DOCK3: variants seen among roughly 807,000 people sequenced by gnomAD.
The protein encoded by DOCK3 is dedicator of cytokinesis protein 3.
In DOCK3, 60 loss-of-function variants were observed where a neutral mutation model predicts 265.6. The observed-to-expected ratio is 0.23, with a 90% confidence interval of 0.18 to 0.28. The LOEUF is 0.28. DOCK3 is among the 10% of genes least tolerant of loss of function. The pLI is 1.00. For synonymous variants in DOCK3, 881 were observed against 938.0 expected, an observed-to-expected ratio of 0.94 and a Z score of 1.11; for missense variants, 1,981 against 2,594.3, an observed-to-expected ratio of 0.76 and a Z score of 5.14.
At chr3:50,761,954 T>C (rs1000496021) in intron 1 of DOCK3, among the ~76,000 whole-genome samples, 4 of 152,084 alleles carry the variant, frequency 2.6e-5, no homozygotes, top group African/African-American at 7.2e-5. Context: ...ATGTCCTTTG[T>C]AGGGACATGG....
At position 51,354,900 on chromosome 3, in the gene DOCK3, C is replaced by T. The variant is rs780118452; in HGVS notation, c.4126C>T (p.Arg1376Cys). ...GTGGCAGAACAAAGAATACGTGTGC[C>T]GTGGCCATGACTACGAGAGGCTGGA... is the stretch of plus-strand genomic sequence containing the variant. ...FFLRNKEYVC[R>C]GHDYERLEAF... The change falls in exon 41 of 53, where the codon CGT becomes TGT. Residue 1376 changes from arginine (R) to cysteine (C), a missense_variant. Around this residue, in one of 4 missense-constraint regions of DOCK3, gnomAD observed 1,357 missense variants for 1,866.8 expected, o/e 0.73. Transcript: ENST00000266037. The T allele has an allele frequency of 3.7e-6, 6 of 1,613,642 alleles. No individual in the cohort carries two copies. In the Admixed American group the frequency reaches 5.0e-5, roughly 13 times the overall value.
chr3:50,909,407 C>T (rs774551734), intron 4 of DOCK3, among the ~76,000 whole-genome samples: 16 of 152,044 alleles, frequency 1.1e-4, no homozygotes, highest in African/African-American at 3.1e-4. Flanking sequence ...GCAAGGCAGG[C>T]GTGTTGATGA....
chr3:51,274,436 A>G (rs1015582973), intron 24 of DOCK3, among the ~76,000 whole-genome samples: 3 of 152,154 alleles, frequency 2.0e-5, no homozygotes, highest in African/African-American at 7.2e-5. Flanking sequence ...TTTAAATGGA[A>G]TTTTCACTGT....
intron 24 of DOCK3, among the ~76,000 whole-genome samples, chr3:51,274,224 G>A (rs909453985): frequency 1.1e-4 from 16 of 152,204 alleles, no homozygotes; most frequent in African/African-American, 3.6e-4. Flanking sequence ...TGCTTCAATT[G>A]TGTTCATTGC....
intron 6 of DOCK3, among the ~76,000 whole-genome samples, chr3:51,070,266 A>T (rs141148035): frequency 1.3e-5 from 2 of 152,248 alleles, no homozygotes; most frequent in African/African-American, 4.8e-5. Flanking sequence ...ACACAGAATC[A>T]TCTTTCAAAC....
intron 5 of DOCK3, among the ~76,000 whole-genome samples, chr3:51,058,765 A>G (rs948307180): frequency 2.0e-5 from 3 of 152,060 alleles, no homozygotes; most frequent in Non-Finnish European, 2.9e-5. Flanking sequence ...CCTTCTTGCT[A>G]TGGCTTCACA....
intron 40 of DOCK3, among the ~76,000 whole-genome samples, chr3:51,354,003 CAT>C (rs995635553): frequency 6.6e-6 from 1 of 152,206 alleles, no homozygotes; most frequent in Non-Finnish European, 1.5e-5. Context: ...AAAACTGAGA[CAT>C]AACCAAAAGT....
rs150234663 is a variant in DOCK3, at chr3:51,229,320, G to A, written c.1820-192G>A. On this transcript the variant is annotated intron_variant, in intron 18 of 52. Coordinates refer to ENST00000266037, the MANE Select transcript of DOCK3 (RefSeq NM_004947.5). ...ACGAAAATTACCTGGACATGATGGC[G>A]CATGCCTGTAATCCCAGCTACTCAG... 1.4e-3 allele frequency among the ~76,000 whole-genome samples: 217 copies of A among 152,174 alleles called. 2 individuals are homozygous for A. The highest frequency in any genetic ancestry group is 4.9e-3 in the African/African-American group (202 of 41,536).
At chr3:50,982,646 G>A (rs1218691285) in intron 5 of DOCK3, among the ~76,000 whole-genome samples, 1 of 152,206 alleles carries the variant, frequency 6.6e-6, no homozygotes, top group East Asian at 1.9e-4. Context: ...CTGGGCCTGG[G>A]CAGTGCTAGG....
intron 9 of DOCK3, among the ~76,000 whole-genome samples, chr3:51,096,989 A>G (rs2082883643): frequency 6.6e-6 from 1 of 152,208 alleles, no homozygotes; most frequent in Admixed American, 6.5e-5. Context: ...GCTTCGTCCC[A>G]GAGGGGCACC....
chr3:51,248,530 T>A (rs1448729692), intron 22 of DOCK3, among the ~76,000 whole-genome samples: 1 of 152,152 alleles, frequency 6.6e-6, no homozygotes, highest in Non-Finnish European at 1.5e-5. Context: ...AGTGGCGTGA[T>A]CTCGGCTCGC....
At chr3:50,900,589 G>A (rs779290090) in intron 4 of DOCK3, 5 of 376,156 alleles carry the variant, frequency 1.3e-5, no homozygotes, top group Admixed American at 3.4e-5. Flanking sequence ...TTTTTATGCT[G>A]GTTTTTCCTC....
chr3:50,744,436 A>ATTTTT (rs36071655), intron 1 of DOCK3, among the ~76,000 whole-genome samples: 1 of 131,790 alleles, frequency 7.6e-6, no homozygotes. Context: ...TCTTCAGTTA[A>ATTTTT]TTTTTTTTTT....
chr3:51,115,126 G>A (rs1300228792), intron 9 of DOCK3, among the ~76,000 whole-genome samples: 1 of 152,114 alleles, frequency 6.6e-6, no homozygotes, highest in African/African-American at 2.4e-5. Flanking sequence ...TGTCTTTATA[G>A]TAGAATGATT....
At chr3:50,800,305 G>A (rs2043006025) in intron 2 of DOCK3, among the ~76,000 whole-genome samples, 1 of 152,204 alleles carries the variant, frequency 6.6e-6, no homozygotes, top group Non-Finnish European at 1.5e-5. Flanking sequence ...ATTCTTTGGT[G>A]AAGCCATTAT....
chr3:50,815,654 G>T (rs1192887814), intron 2 of DOCK3, among the ~76,000 whole-genome samples: 2 of 151,984 alleles, frequency 1.3e-5, no homozygotes, highest in Admixed American at 6.6e-5. Context: ...TGCCTGAAAA[G>T]ATCTTTAGTT....
In DOCK3 at chr3:51,163,630, A is replaced by AG. The variant is rs1280858628; in HGVS notation, c.1037+2933dup. Among the ~76,000 whole-genome samples the AG allele has an allele frequency of 2.6e-5, 4 of 151,766 alleles. No homozygotes were observed. In the East Asian group the frequency reaches 5.9e-4, roughly 22 times the overall value. On this transcript the variant is annotated intron_variant, in intron 12 of 52. Coordinates refer to ENST00000266037, the MANE Select transcript of DOCK3 (RefSeq NM_004947.5). ...TGCCAGGAGCTAAAGCCAACATTGG[A>AG]GGGGGTGGGTGTCCATAAATAATGC... is the stretch of plus-strand genomic sequence containing the variant.
chr3:50,934,435 G>T (rs991174882), intron 5 of DOCK3, among the ~76,000 whole-genome samples: 2 of 152,134 alleles, frequency 1.3e-5, no homozygotes, highest in African/African-American at 4.8e-5. Flanking sequence ...CCAGTGGTGG[G>T]TATAAAGGCC....
chr3:50,811,358 T>C (rs537592128), intron 2 of DOCK3, among the ~76,000 whole-genome samples: 142 of 152,106 alleles, frequency 9.3e-4, no homozygotes, highest in African/African-American at 3.3e-3. Flanking sequence ...GAGCTATGAT[T>C]GTACCACTGC....
Sources: allele counts gnomAD v4.1 joint callset (sites outside exome capture counted in the v4.1 genomes callset), GRCh38; gene constraint gnomAD v4.1.1; regional missense constraint gnomAD v4.1.1; transcripts MANE v1.5; gene names NCBI Gene and HGNC (gene_info 2026-07-23, HGNC 2026-07-21).